Variants in CALN1 observed in about 807,000 individuals in gnomAD.
CALN1 encodes calneuron 1.
A neutral mutation model predicts 30.6 loss-of-function variants in CALN1; 17 were observed. That is an observed-to-expected ratio of 0.56 (90% CI 0.38 to 0.83). The LOEUF (loss-of-function observed/expected upper bound fraction) is 0.83, where lower values mean the gene tolerates loss of function less well. Among genes scored for constraint, CALN1 ranks in the 40% least tolerant of loss-of-function variants. The probability of loss-of-function intolerance (pLI) is 0.00; values close to 1 mark genes in which losing one functional copy is unlikely to be tolerated. For synonymous variants in CALN1, 156 were observed against 131.4 expected, an observed-to-expected ratio of 1.19 and a Z score of -1.28; for missense variants, 291 against 354.9, an observed-to-expected ratio of 0.82 and a Z score of 1.45.
At chr7:72,221,843 C>T (rs1216515268) in intron 3 of CALN1, among the ~76,000 whole-genome samples, 2 of 151,716 alleles carry the variant, frequency 1.3e-5, no homozygotes, top group African/African-American at 4.8e-5. Flanking sequence ...GAGCTGAGAT[C>T]GTGCCACTGC....
chr7:72,416,893 G>A (rs1415352302), upstream of CALN1, among the ~76,000 whole-genome samples: 2 of 152,176 alleles, frequency 1.3e-5, no homozygotes, highest in African/African-American at 4.8e-5. Context: ...GCTAGGCCAG[G>A]AGGCAGAGAA....
At chr7:71,960,167 AAATAAATAAAT>A (rs1419075524) in intron 5 of CALN1, among the ~76,000 whole-genome samples, 18 of 116,648 alleles carry the variant, frequency 1.5e-4, no homozygotes, top group African/African-American at 4.5e-4. Context: ...ATAAATAAAT[AAATAAATAAAT>A]AAATAAAATA....
At chr7:71,958,626 C>G (rs1797089051) in intron 5 of CALN1, among the ~76,000 whole-genome samples, 1 of 152,218 alleles carries the variant, frequency 6.6e-6, no homozygotes, top group South Asian at 2.1e-4. Flanking sequence ...TATATAAAAA[C>G]AGCAAAGTCT....
At chr7:72,038,572 G>A (rs941178327) in intron 4 of CALN1, among the ~76,000 whole-genome samples, 5 of 151,998 alleles carry the variant, frequency 3.3e-5, no homozygotes, top group Non-Finnish European at 5.9e-5. Context: ...AAATAAGGCT[G>A]AAACCCTCTG....
intron 4 of CALN1, among the ~76,000 whole-genome samples, chr7:72,075,820 C>A (rs1481546492): frequency 2.0e-5 from 3 of 152,076 alleles, no homozygotes; most frequent in Admixed American, 2.0e-4. Flanking sequence ...TAGGTTTCAA[C>A]AAATAGAGAC....
intron 2 of CALN1, among the ~76,000 whole-genome samples, chr7:72,401,498 A>C (rs1363486653): frequency 6.6e-6 from 1 of 152,212 alleles, no homozygotes; most frequent in Non-Finnish European, 1.5e-5. Context: ...GCGCGCACAC[A>C]AATGTGTGAC....
At chr7:72,408,591 G>C (rs1365943582) in intron 1 of CALN1, among the ~76,000 whole-genome samples, 1 of 151,246 alleles carries the variant, frequency 6.6e-6, no homozygotes, top group Non-Finnish European at 1.5e-5. Context: ...AAATTCATGG[G>C]ATACAAGTGC....
At chr7:72,037,558 G>T (rs1801877491) in intron 4 of CALN1, among the ~76,000 whole-genome samples, 1 of 152,194 alleles carries the variant, frequency 6.6e-6, no homozygotes, top group African/African-American at 2.4e-5. Context: ...CCAGCCAGAT[G>T]AACTCATCAA....
At chr7:72,338,395 C>G (rs1444971056) in intron 2 of CALN1, among the ~76,000 whole-genome samples, 1 of 152,018 alleles carries the variant, frequency 6.6e-6, no homozygotes, top group Admixed American at 6.6e-5. Flanking sequence ...CTCATGCAAA[C>G]AACTCAGCAA....
At chr7:72,112,546 G>A (rs1189275259) in intron 3 of CALN1, among the ~76,000 whole-genome samples, 2 of 152,150 alleles carry the variant, frequency 1.3e-5, no homozygotes, top group African/African-American at 4.8e-5. Context: ...GAAATGCACC[G>A]GAAAATGTAA....
intron 3 of CALN1, among the ~76,000 whole-genome samples, chr7:72,262,222 A>C (rs149284591): frequency 6.6e-6 from 1 of 152,286 alleles, no homozygotes; most frequent in East Asian, 1.9e-4. Flanking sequence ...TTAAAAGGAG[A>C]TCTATGGACA....
At chr7:72,136,571 T>C (rs1054625085) in intron 3 of CALN1, among the ~76,000 whole-genome samples, 1 of 152,256 alleles carries the variant, frequency 6.6e-6, no homozygotes, top group Non-Finnish European at 1.5e-5. Context: ...TTTAATTTCC[T>C]TCAAGTACTT....
At chr7:72,002,266 A>C (rs1799562786) in intron 5 of CALN1, among the ~76,000 whole-genome samples, 1 of 152,192 alleles carries the variant, frequency 6.6e-6, no homozygotes, top group Non-Finnish European at 1.5e-5. Context: ...TAATATACTG[A>C]ACATCCTAGT....
intron 4 of CALN1, among the ~76,000 whole-genome samples, chr7:72,058,310 C>CTTTTTTTTTTTTTTTTTTT (rs3065011): frequency 1.4e-5 from 1 of 70,776 alleles, no homozygotes. Flanking sequence ...AAGCTGGAAT[C>CTTTTTTTTTTTTTTTTTTT]TTTTTTTTTT....
At chr7:72,476,823 C>T in the CALN1 span, among the ~76,000 whole-genome samples, 1 of 152,184 alleles carries the variant, frequency 6.6e-6, no homozygotes, top group Non-Finnish European at 1.5e-5. Flanking sequence ...GGGCAGAGTC[C>T]CCTGCTGGAG....
chr7:71,831,885 A>AC (rs1300554831), intron 5 of CALN1, among the ~76,000 whole-genome samples: 12 of 149,790 alleles, frequency 8.0e-5, no homozygotes, highest in South Asian at 2.1e-4. Context: ...AAAAAAAAAA[A>AC]AAAAAAAAAA....
At chr7:71,822,015 C>T (rs546110301) in intron 5 of CALN1, among the ~76,000 whole-genome samples, 29 of 152,014 alleles carry the variant, frequency 1.9e-4, no homozygotes, top group Non-Finnish European at 3.5e-4. Flanking sequence ...GTAATCTGTC[C>T]GCCTCAGCCT....
At position 71,923,502 on chromosome 7, in the gene CALN1, A is replaced by G. The variant is rs145627692; in HGVS notation, c.501+100155T>C. Among the ~76,000 whole-genome samples, 318 of 152,326 alleles carry G rather than the reference A, an allele frequency of 2.1e-3. 2 individuals carry two copies. Among genetic ancestry groups the G allele is most frequent in the African/African-American group, 7.3e-3 (304 of 41,592 alleles). On this transcript the variant is annotated intron_variant, in intron 5 of 6. Coordinates refer to ENST00000395275, the MANE Select transcript of CALN1 (RefSeq NM_031468.4). ...TATGTCATTCAAGCAAGGTCCAGACAGGAGTCTCACTCTATTATTCCAAAT... is the reference window on the plus strand; with the variant it reads ...TATGTCATTCAAGCAAGGTCCAGACGGGAGTCTCACTCTATTATTCCAAAT...
intron 2 of CALN1, among the ~76,000 whole-genome samples, chr7:72,350,186 T>C (rs897219601): frequency 3.9e-5 from 6 of 152,190 alleles, no homozygotes; most frequent in African/African-American, 1.4e-4. Context: ...CAGTAATATT[T>C]ATTGAAAAGG....
Sources: allele counts gnomAD v4.1 joint callset (sites outside exome capture counted in the v4.1 genomes callset), GRCh38; gene constraint gnomAD v4.1.1; transcripts MANE v1.5; gene names NCBI Gene and HGNC (gene_info 2026-07-23, HGNC 2026-07-21).